Variants in KAZN observed in about 807,000 individuals in gnomAD.
The protein encoded by KAZN is kazrin, periplakin interacting protein.
In KAZN, 40 loss-of-function variants were observed where a neutral mutation model predicts 87.4. That is an observed-to-expected ratio of 0.46 (90% CI 0.36 to 0.60). The LOEUF (loss-of-function observed/expected upper bound fraction) is 0.60. Ranked by LOEUF, KAZN falls within the 20% of genes least tolerant of loss-of-function variation. KAZN has a pLI of 0.00. For missense variants in KAZN, 898 were observed against 1,073.9 expected, an observed-to-expected ratio of 0.84 and a Z score of 2.29; for synonymous variants, 466 against 458.3, an observed-to-expected ratio of 1.02 and a Z score of -0.22.
At chr1:14,418,293 C>G (rs12130603) in intron 2 of KAZN, among the ~76,000 whole-genome samples, 18,796 of 152,096 alleles carry the variant, frequency 0.12, 1,354 homozygotes, top group South Asian at 0.18. Context: ...TATCTAACCT[C>G]TCTGAGTGTC....
intron 1 of KAZN, among the ~76,000 whole-genome samples, chr1:14,135,921 G>A (rs771310274): frequency 6.6e-6 from 1 of 152,200 alleles, no homozygotes; most frequent in Non-Finnish European, 1.5e-5. Context: ...TCACAGAGAT[G>A]AGAAACTTGC....
chr1:14,008,506 G>C (rs1341956484), intron 1 of KAZN, among the ~76,000 whole-genome samples: 1 of 152,206 alleles, frequency 6.6e-6, no homozygotes, highest in Non-Finnish European at 1.5e-5. Context: ...CATTTAGTAA[G>C]AAACTAATGT....
At chr1:14,736,305 T>G (rs34898838) in intron 1 of KAZN, among the ~76,000 whole-genome samples, 3 of 130,456 alleles carry the variant, frequency 2.3e-5, no homozygotes, top group African/African-American at 6.6e-5. Context: ...GTGTGTATAT[T>G]TTTTTTTTTT....
At chr1:14,713,553 A>G (rs1642601812) in intron 1 of KAZN, among the ~76,000 whole-genome samples, 1 of 152,094 alleles carries the variant, frequency 6.6e-6, no homozygotes, top group Non-Finnish European at 1.5e-5. Context: ...TGCTTCTGGC[A>G]TAGGGTGGGT....
intron 1 of KAZN, among the ~76,000 whole-genome samples, chr1:14,117,885 C>T (rs1644662671): frequency 6.6e-6 from 1 of 152,124 alleles, no homozygotes; most frequent in Non-Finnish European, 1.5e-5. Flanking sequence ...TGAGAAGGCC[C>T]AGTCTGGTTT....
At chr1:14,250,270 C>G (rs1271462966) in intron 2 of KAZN, among the ~76,000 whole-genome samples, 5 of 152,016 alleles carry the variant, frequency 3.3e-5, no homozygotes, top group Non-Finnish European at 7.4e-5. Flanking sequence ...TTACGTTTTA[C>G]TCAAATAATA....
intron 8 of KAZN, among the ~76,000 whole-genome samples, chr1:15,086,407 T>C (rs1419220269): frequency 6.6e-6 from 1 of 152,186 alleles, no homozygotes; most frequent in African/African-American, 2.4e-5. Context: ...ACTCTCAACC[T>C]AAAACCGTGT....
At chr1:14,004,926 A>G (rs1054251201) in intron 1 of KAZN, among the ~76,000 whole-genome samples, 1 of 151,816 alleles carries the variant, frequency 6.6e-6, no homozygotes, top group South Asian at 2.1e-4. Context: ...GCATGTTAGT[A>G]CACTCAGCCC....
chr1:14,483,998 A>G (rs1194967372), intron 2 of KAZN, among the ~76,000 whole-genome samples: 1 of 152,232 alleles, frequency 6.6e-6, no homozygotes. Context: ...CAGTTTTTCC[A>G]GTACCGTTTA....
chr1:14,654,202 G>C (rs35204966), intron 1 of KAZN, among the ~76,000 whole-genome samples: 24 of 149,488 alleles, frequency 1.6e-4, no homozygotes, highest in African/African-American at 5.7e-4. Flanking sequence ...CAGAAAAATC[G>C]CTTGAATCCA....
chr1:14,765,220 G>A (rs1252614305), intron 1 of KAZN, among the ~76,000 whole-genome samples: 1 of 152,184 alleles, frequency 6.6e-6, no homozygotes, highest in Non-Finnish European at 1.5e-5. Flanking sequence ...CCCATAGTAT[G>A]ACAACCAAAA....
intron 1 of KAZN, among the ~76,000 whole-genome samples, chr1:14,714,512 G>A (rs1642676966): frequency 6.6e-6 from 1 of 152,152 alleles, no homozygotes; most frequent in African/African-American, 2.4e-5. Context: ...GTCCACGTGG[G>A]GGCCCTGGGT....
intron 2 of KAZN, among the ~76,000 whole-genome samples, chr1:14,476,132 A>G (rs1285517299): frequency 6.6e-6 from 1 of 152,186 alleles, no homozygotes; most frequent in East Asian, 1.9e-4. Context: ...ACAGGTGCAC[A>G]TTCGGACTGG....
chr1:14,715,378 G>A (rs1642735734), intron 1 of KAZN, among the ~76,000 whole-genome samples: 2 of 152,298 alleles, frequency 1.3e-5, no homozygotes, highest in East Asian at 3.9e-4. Context: ...TTACCTTCAC[G>A]AGGGAGGTTG....
At chr1:14,436,376 T>A (rs201373201) in intron 2 of KAZN, among the ~76,000 whole-genome samples, 5 of 147,976 alleles carry the variant, frequency 3.4e-5, no homozygotes, top group Admixed American at 1.4e-4. Context: ...GTGGTGGTGG[T>A]GGAGGAGGAA....
At chr1:14,007,557 A>T (rs554769176) in intron 1 of KAZN, among the ~76,000 whole-genome samples, 1 of 152,340 alleles carries the variant, frequency 6.6e-6, no homozygotes, top group African/African-American at 2.4e-5. Flanking sequence ...AGAGCAAAAC[A>T]CTATCCATGT....
At chr1:14,362,897 T>G (rs1038976423) in intron 2 of KAZN, among the ~76,000 whole-genome samples, 14 of 152,246 alleles carry the variant, frequency 9.2e-5, no homozygotes, top group Non-Finnish European at 1.5e-4. Context: ...TGATTTTACA[T>G]ATAGAGAAAC....
chr1:14,236,819 G>T (rs1390877956), intron 2 of KAZN, among the ~76,000 whole-genome samples: 1 of 152,074 alleles, frequency 6.6e-6, no homozygotes. Context: ...AGCTACATAG[G>T]TGGCTGAGGT....
At chr1:14,396,231 G>T (rs1283731262) in intron 2 of KAZN, among the ~76,000 whole-genome samples, 1 of 151,616 alleles carries the variant, frequency 6.6e-6, no homozygotes, top group Non-Finnish European at 1.5e-5. Flanking sequence ...TCTTACACTG[G>T]TCTGCACTGA....
Sources: gnomAD v4.1 joint callset for allele counts (sites outside exome capture counted in the v4.1 genomes callset) on GRCh38, gnomAD v4.1.1 for gene constraint, MANE v1.5 for transcripts, NCBI Gene and HGNC (gene_info 2026-07-23, HGNC 2026-07-21) for gene names.